The following TAFA5 variants were observed in gnomAD, a reference collection of about 807,000 sequenced individuals.
TAFA5 encodes chemokine-like protein TAFA-5.
Under a neutral mutation model 15.3 loss-of-function variants are expected in TAFA5, and 6 were observed. That is an observed-to-expected ratio of 0.39 (90% confidence interval 0.21 to 0.77). The LOEUF (loss-of-function observed/expected upper bound fraction) is 0.77, where lower values mean the gene tolerates loss of function less well. Among genes scored for constraint, TAFA5 ranks in the 30% least tolerant of loss-of-function variants. The pLI is 0.41. For synonymous variants in TAFA5, 103 were observed against 80.7 expected (o/e 1.28, Z -1.48); for missense variants, 161 against 193.1 (o/e 0.83, Z 0.98).
intron 3 of TAFA5, among the ~76,000 whole-genome samples, chr22:48,723,570 A>C (rs965069581): frequency 6.6e-6 from 1 of 152,190 alleles, no homozygotes; most frequent in Non-Finnish European, 1.5e-5. Context: ...CCTTCCAGGG[A>C]TGCGGCCATT....
At chr22:48,701,314 T>C (rs1928898851) in intron 2 of TAFA5, among the ~76,000 whole-genome samples, 1 of 152,074 alleles carries the variant, frequency 6.6e-6, no homozygotes, top group Admixed American at 6.5e-5. Flanking sequence ...GCAGGCGTGG[T>C]GAGAGGAAGC....
At chr22:48,544,795 G>A (rs1026594300) in intron 1 of TAFA5, 5 of 471,138 alleles carry the variant, frequency 1.1e-5, no homozygotes, top group Admixed American at 2.3e-5. Flanking sequence ...CCACGATCTA[G>A]GCGAGGCCTG....
At chr22:48,498,580 G>C (rs6007871) in intron 1 of TAFA5, among the ~76,000 whole-genome samples, 61,292 of 151,930 alleles carry the variant, frequency 0.4, 13,622 homozygotes, top group African/African-American at 0.58. Flanking sequence ...CTTTGTTCTC[G>C]TTAAAGTTGC....
intron 1 of TAFA5, among the ~76,000 whole-genome samples, chr22:48,549,360 A>T (rs1042016616): frequency 4.6e-5 from 7 of 152,246 alleles, no homozygotes; most frequent in Non-Finnish European, 1.0e-4. Context: ...CATGGAATCC[A>T]TTCGCCACCA....
At chr22:48,590,495 C>T (rs926606709) in intron 1 of TAFA5, among the ~76,000 whole-genome samples, 4 of 152,158 alleles carry the variant, frequency 2.6e-5, no homozygotes, top group African/African-American at 7.2e-5. Flanking sequence ...TGGTGCAACC[C>T]TGGCGGATTC....
intron 1 of TAFA5, among the ~76,000 whole-genome samples, chr22:48,575,955 G>A (rs1175476652): frequency 1.4e-5 from 2 of 143,762 alleles, no homozygotes; most frequent in African/African-American, 2.5e-5. Context: ...GGCGGCGGCG[G>A]AGGAAGAGGA....
chr22:48,654,249 A>G (rs1927156897), intron 2 of TAFA5, among the ~76,000 whole-genome samples: 1 of 152,086 alleles, frequency 6.6e-6, no homozygotes, highest in Non-Finnish European at 1.5e-5. Context: ...GGAGGAGGCC[A>G]GACACCTGGG....
chr22:48,745,994 G>A (rs1321773953), intron 3 of TAFA5, among the ~76,000 whole-genome samples: 2 of 152,320 alleles, frequency 1.3e-5, no homozygotes, highest in Middle Eastern at 3.4e-3. Flanking sequence ...GGAGAGAGGT[G>A]TGTGAGCTGC....
At chr22:48,637,800 G>A (rs1012832338) in intron 1 of TAFA5, among the ~76,000 whole-genome samples, 1 of 151,850 alleles carries the variant, frequency 6.6e-6, no homozygotes, top group Admixed American at 6.6e-5. Flanking sequence ...AGCCACTCCC[G>A]CCCACCGAGC....
chr22:48,701,616 G>A (rs1272066649), intron 2 of TAFA5, among the ~76,000 whole-genome samples: 1 of 152,220 alleles, frequency 6.6e-6, no homozygotes, highest in African/African-American at 2.4e-5. Context: ...TCGCCCAACC[G>A]TTTTTGGCAA....
intron 1 of TAFA5, among the ~76,000 whole-genome samples, chr22:48,507,390 T>C (rs1335552884): frequency 6.6e-6 from 1 of 152,154 alleles, no homozygotes; most frequent in Non-Finnish European, 1.5e-5. Flanking sequence ...CCCTGGTCCT[T>C]CCAGAGAGGC....
chr22:48,745,880 C>T (rs373238519), intron 3 of TAFA5, among the ~76,000 whole-genome samples: 2 of 152,188 alleles, frequency 1.3e-5, no homozygotes, highest in East Asian at 1.9e-4. Flanking sequence ...TGAGAGGCCT[C>T]GCTTCACCAC....
chr22:48,678,738 A>G (rs1398384083), intron 2 of TAFA5, among the ~76,000 whole-genome samples: 3 of 149,732 alleles, frequency 2.0e-5, no homozygotes, highest in Admixed American at 2.0e-4. Context: ...GAAACTTCTA[A>G]AAAGAAAACG....
chr22:48,731,624 T>C (rs1396033870), intron 3 of TAFA5, among the ~76,000 whole-genome samples: 4 of 152,232 alleles, frequency 2.6e-5, no homozygotes, highest in Non-Finnish European at 5.9e-5. Flanking sequence ...CCATACAACG[T>C]ACAACACGGC....
chr22:48,722,575 G>T (rs1372973353), intron 3 of TAFA5, among the ~76,000 whole-genome samples: 2 of 152,152 alleles, frequency 1.3e-5, no homozygotes, highest in Non-Finnish European at 2.9e-5. Context: ...GGCTAGGGGA[G>T]GGATAGCATC....
intron 2 of TAFA5, among the ~76,000 whole-genome samples, chr22:48,679,758 C>T (rs199492427): frequency 7.1e-6 from 1 of 139,918 alleles, no homozygotes; most frequent in Non-Finnish European, 1.5e-5. Context: ...CCCAGCTCCC[C>T]GTCCATCCCT....
At chr22:48,686,067 G>A (rs1284654862) in intron 2 of TAFA5, among the ~76,000 whole-genome samples, 2 of 152,156 alleles carry the variant, frequency 1.3e-5, no homozygotes, top group Non-Finnish European at 2.9e-5. Context: ...TGGAAGGGGT[G>A]CTGAGTGGGG....
chr22:48,511,994 C>A (rs11090850), intron 1 of TAFA5, among the ~76,000 whole-genome samples: 1 of 152,256 alleles, frequency 6.6e-6, no homozygotes, highest in East Asian at 1.9e-4. Context: ...GTTGGAGCCC[C>A]ATGGCACAGA....
At chr22:48,632,918 G>T (rs1926285105) in intron 1 of TAFA5, among the ~76,000 whole-genome samples, 1 of 152,190 alleles carries the variant, frequency 6.6e-6, no homozygotes, top group Non-Finnish European at 1.5e-5. Flanking sequence ...GACCCCATGG[G>T]CCTGCAGCAT....
Sources: allele counts gnomAD v4.1 joint callset (sites outside exome capture counted in the v4.1 genomes callset), GRCh38; gene constraint gnomAD v4.1.1; transcripts MANE v1.5; gene names NCBI Gene and HGNC (gene_info 2026-07-23, HGNC 2026-07-21).